Variants in AKAP6 observed in about 807,000 individuals in gnomAD.
AKAP6 encodes the protein A-kinase anchoring protein 6, also known as A-kinase anchor protein 6.
In AKAP6, 58 loss-of-function variants were observed where a neutral mutation model predicts 188.5. The ratio of observed to expected loss-of-function variants is 0.31; its 90% CI spans 0.25 to 0.38. The LOEUF (loss-of-function observed/expected upper bound fraction) is 0.38, where lower values mean the gene tolerates loss of function less well. Among genes scored for constraint, AKAP6 ranks in the 10% least tolerant of loss-of-function variants. AKAP6 has a pLI of 1.00. For synonymous variants in AKAP6, 989 were observed against 998.6 expected (o/e 0.99, Z 0.18); for missense variants, 2,710 against 2,740.0 (o/e 0.99, Z 0.24).
In AKAP6 at chr14:32,823,957, A is replaced by G. The variant is rs2034604444; in HGVS notation, c.6144A>G (p.Gln2048=). The change falls in exon 13 of 14, where the codon CAA becomes CAG. Residue 2048 remains glutamine (Q), a synonymous_variant. Coordinates refer to ENST00000280979, the MANE Select transcript of AKAP6 (RefSeq NM_004274.5). ...ACTGTGAGCCAGATGTTTTCCATCA[A>G]AAAGATGCCGAAGATTGTTCAGTAC... is the stretch of plus-strand genomic sequence containing the variant. ...CCNCEPDVFH[Q]KDAEDCSVHN... is the part of the protein sequence containing the mutation. The G allele has an allele frequency of 3.1e-6, 5 of 1,613,858 alleles. No individual in the cohort carries two copies. In the East Asian group the frequency reaches 1.1e-4, roughly 36 times the overall value.
chr14:32,503,623 A>T (rs956562724), intron 2 of AKAP6, among the ~76,000 whole-genome samples: 1 of 151,822 alleles, frequency 6.6e-6, no homozygotes, highest in Non-Finnish European at 1.5e-5. Context: ...TTTTTGTCAG[A>T]TATTTATCTA....
At chr14:32,803,210 A>G (rs1222024554) in intron 12 of AKAP6, among the ~76,000 whole-genome samples, 2 of 151,908 alleles carry the variant, frequency 1.3e-5, no homozygotes, top group Non-Finnish European at 2.9e-5. Flanking sequence ...TTGGGAGGCC[A>G]AGGCAGGCAT....
At chr14:32,390,976 A>G (rs1888696556) in intron 1 of AKAP6, among the ~76,000 whole-genome samples, 1 of 152,058 alleles carries the variant, frequency 6.6e-6, no homozygotes, top group South Asian at 2.1e-4. Flanking sequence ...ATTTGCTACT[A>G]ATGTAGCATG....
At chr14:32,750,198 A>AT (rs1364042850) in intron 11 of AKAP6, among the ~76,000 whole-genome samples, 1 of 151,916 alleles carries the variant, frequency 6.6e-6, no homozygotes, top group Non-Finnish European at 1.5e-5. Context: ...AATTGGAAGG[A>AT]TTTTTTTTAA....
chr14:32,372,940 G>A (rs1888056067), intron 1 of AKAP6, among the ~76,000 whole-genome samples: 1 of 152,062 alleles, frequency 6.6e-6, no homozygotes, highest in Non-Finnish European at 1.5e-5. Flanking sequence ...AATTAAGTGA[G>A]TGGTTGAAGT....
At chr14:32,435,485 A>G (rs1307738093) in intron 2 of AKAP6, among the ~76,000 whole-genome samples, 1 of 152,208 alleles carries the variant, frequency 6.6e-6, no homozygotes, top group Non-Finnish European at 1.5e-5. Context: ...TTAGTGTTTG[A>G]GAAACCAACT....
At position 32,695,987 on chromosome 14, in the gene AKAP6, C is replaced by T. The variant is rs1171522174; in HGVS notation, c.2880-3C>T. On this transcript the variant is annotated splice_polypyrimidine_tract_variant and splice_region_variant and intron_variant, in intron 8 of 13. Coordinates refer to ENST00000280979, the MANE Select transcript of AKAP6 (RefSeq NM_004274.5). ...CATACTACATTTTGCGCCTTATCTTCAGGCTTCTGGACTTTGATTCAGAAT... is the reference window on the plus strand; with the variant it reads ...CATACTACATTTTGCGCCTTATCTTTAGGCTTCTGGACTTTGATTCAGAAT... 6.2e-7 allele frequency: 1 copy of T among 1,612,098 alleles called. No individual in the cohort carries two copies. Among genetic ancestry groups the T allele is most frequent in the South Asian group, 1.1e-5 (1 of 90,682 alleles).
intron 8 of AKAP6, among the ~76,000 whole-genome samples, chr14:32,682,995 C>CTTTTTTTTTTTTTGTTTTTT (rs71115090): frequency 9.8e-5 from 14 of 142,252 alleles, no homozygotes; most frequent in East Asian, 6.7e-4. Context: ...TTTTTTCTTC[C>CTTTTTTTTTTTTTGTTTTTT]TTTTTTTTTT....
At chr14:32,680,940 G>C (rs1157548758) in intron 8 of AKAP6, among the ~76,000 whole-genome samples, 1 of 152,182 alleles carries the variant, frequency 6.6e-6, no homozygotes, top group Non-Finnish European at 1.5e-5. Flanking sequence ...TTGTTCACCT[G>C]TGGGGAACAG....
At chr14:32,434,697 A>G (rs909492011) in intron 2 of AKAP6, among the ~76,000 whole-genome samples, 1 of 152,256 alleles carries the variant, frequency 6.6e-6, no homozygotes, top group African/African-American at 2.4e-5. Context: ...AAGGTCAAAC[A>G]TTCTTGGATC....
chr14:32,599,284 A>T (rs1042551842), intron 5 of AKAP6, 126 bp from the exon 6 acceptor site: 2 of 701,538 alleles, frequency 2.9e-6, no homozygotes, highest in African/African-American at 3.6e-5. Context: ...TTAGTATTGC[A>T]AATTAGTTTG....
chr14:32,715,773 T>TGA (rs1412569586), intron 9 of AKAP6, among the ~76,000 whole-genome samples: 5 of 69,732 alleles, frequency 7.2e-5, no homozygotes, highest in African/African-American at 1.9e-4. Context: ...AGGAAAGATT[T>TGA]TTTTTTAAAA....
At chr14:32,632,071 T>C (rs935045311) in intron 7 of AKAP6, among the ~76,000 whole-genome samples, 7 of 152,076 alleles carry the variant, frequency 4.6e-5, no homozygotes, top group African/African-American at 1.7e-4. Context: ...GTTTTGTTTG[T>C]CTGTTTGTTT....
At chr14:32,752,462 T>C (rs1955505) in intron 11 of AKAP6, among the ~76,000 whole-genome samples, 93,326 of 152,006 alleles carry the variant, frequency 0.61, 31,886 homozygotes, top group Non-Finnish European at 0.76. Context: ...AGGGAAGAGA[T>C]TGGATTTCCA....
chr14:32,796,056 G>T (rs576866383), intron 12 of AKAP6, among the ~76,000 whole-genome samples: 8 of 152,022 alleles, frequency 5.3e-5, no homozygotes, highest in Non-Finnish European at 1.2e-4. Flanking sequence ...TATAAAATAT[G>T]TAGGAATATA....
intron 8 of AKAP6, among the ~76,000 whole-genome samples, chr14:32,691,168 A>C (rs541344196): frequency 1.2e-4 from 19 of 152,244 alleles, no homozygotes; most frequent in African/African-American, 4.3e-4. Flanking sequence ...TACTCACCAC[A>C]ATTTTAATCA....
intron 7 of AKAP6, among the ~76,000 whole-genome samples, chr14:32,668,222 A>G (rs1311779215): frequency 6.6e-6 from 1 of 152,152 alleles, no homozygotes. Flanking sequence ...AGCTCATGAC[A>G]TAAAATGCGG....
At chr14:32,478,306 T>C (rs3784199) in intron 2 of AKAP6, among the ~76,000 whole-genome samples, 43,717 of 152,182 alleles carry the variant, frequency 0.29, 7,306 homozygotes, top group South Asian at 0.46. Context: ...GAAGACATCA[T>C]GCCCAGATCT....
chr14:32,489,312 G>A (rs992062870), intron 2 of AKAP6, among the ~76,000 whole-genome samples: 2 of 152,058 alleles, frequency 1.3e-5, no homozygotes, highest in East Asian at 1.9e-4. Flanking sequence ...GGGCTCAAGC[G>A]ATCTTCCTGC....
Sources: allele counts gnomAD v4.1 joint callset (sites outside exome capture counted in the v4.1 genomes callset), GRCh38; gene constraint gnomAD v4.1.1; transcripts MANE v1.5; gene names NCBI Gene and HGNC (gene_info 2026-07-23, HGNC 2026-07-21).